SHPRH: variants seen among roughly 807,000 people sequenced by gnomAD.
The protein encoded by SHPRH is SNF2 histone linker PHD RING helicase.
Under a neutral mutation model 202.5 loss-of-function variants are expected in SHPRH, and 106 were observed. The observed-to-expected ratio is 0.52, with a 90% CI of 0.45 to 0.62. The LOEUF is 0.62. Among genes scored for constraint, SHPRH ranks in the 20% least tolerant of loss-of-function variants. SHPRH has a pLI of 0.00. For missense variants in SHPRH, 1,710 were observed against 2,020.0 expected (o/e 0.85, Z 2.94); for synonymous variants, 729 against 686.0 (o/e 1.06, Z -0.98).
intron 11 of SHPRH, among the ~76,000 whole-genome samples, chr6:145,940,106 G>A (rs1048650487): frequency 2.0e-5 from 3 of 152,144 alleles, no homozygotes; most frequent in Non-Finnish European, 4.4e-5. Flanking sequence ...TATTGAATAA[G>A]ATTAAGGTAG....
intron 14 of SHPRH, among the ~76,000 whole-genome samples, chr6:145,929,249 A>G (rs1308982479): frequency 1.3e-5 from 2 of 151,992 alleles, no homozygotes; most frequent in Non-Finnish European, 2.9e-5. Context: ...TGGCGCTAAC[A>G]TTTCTAAGAA....
chr6:145,945,661 ATCAG>A, intron 7 of SHPRH, 24 bp from the exon 8 acceptor site: 1 of 1,557,438 alleles, frequency 6.4e-7, no homozygotes, highest in East Asian at 2.3e-5. Flanking sequence ...GATATGCTAA[ATCAG>A]TCAAAATAAT....
chr6:145,859,855 T>C (rs1201717150), downstream of SHPRH, among the ~76,000 whole-genome samples: 1 of 152,030 alleles, frequency 6.6e-6, no homozygotes, highest in African/African-American at 2.4e-5. Context: ...TTGAATTCTC[T>C]CTCTGTTCTT....
chr6:145,869,227 T>C (rs2128689073), intron 2 of SHPRH, among the ~76,000 whole-genome samples: 1 of 152,372 alleles, frequency 6.6e-6, no homozygotes, highest in South Asian at 2.1e-4. Flanking sequence ...TTAAGTATTT[T>C]TATGTATTTG....
At chr6:145,860,388 A>C (rs1034960420), downstream of SHPRH, among the ~76,000 whole-genome samples, 2 of 151,990 alleles carry the variant, frequency 1.3e-5, no homozygotes, top group South Asian at 4.1e-4. Flanking sequence ...AAATTTAAAA[A>C]ATATTTATAA....
At chr6:145,904,276 A>T (rs2128727593) in intron 25 of SHPRH, 1 of 152,216 alleles carries the variant, frequency 6.6e-6, no homozygotes, top group South Asian at 2.1e-4. Flanking sequence ...AGATAATATA[A>T]ACATTTCAAT....
At position 145,886,566 on chromosome 6, in the gene SHPRH, A is replaced by G; in HGVS notation, c.*125T>C. 1 of 1,493,918 alleles carries G rather than the reference A, an allele frequency of 6.7e-7. No individual in the cohort carries two copies. The highest frequency in any genetic ancestry group is 1.4e-5 in the South Asian group (1 of 73,878). The allele number at this position is 1,493,918 out of a possible 1,614,324, so 92.5% of individuals were successfully genotyped here. A position where few individuals can be genotyped will look rare whatever the true frequency, so the allele number is the denominator to read the frequency against. ...AAGCCACTGTATAACCAGAACAATAAACAAATTCATTCAACTAGGAACAGT... is the reference window on the plus strand; with the variant it reads ...AAGCCACTGTATAACCAGAACAATAGACAAATTCATTCAACTAGGAACAGT... On this transcript the variant is annotated 3_prime_UTR_variant, in exon 30 of 30. Coordinates refer to ENST00000275233, the MANE Select transcript of SHPRH (RefSeq NM_001042683.3).
chr6:145,927,273 C>A lies in SHPRH; in HGVS notation c.3117G>T (p.Glu1039Asp), dbSNP rs1337789261. The change falls in exon 15 of 30, where the codon GAG becomes GAT. Residue 1039 changes from glutamate (E) to aspartate (D), a missense_variant. Glu to Asp is a conservative substitution (Grantham distance 45). Coordinates refer to ENST00000275233, the MANE Select transcript of SHPRH (RefSeq NM_001042683.3). ...TGTACAATTCTGCTGCCAAGGCATA[C>A]TCACCTAAAGAATTAAAATGTATTT... ...GLAGIHIIKG[E>D]YALAAELYRE... 1 of 1,611,116 alleles carries A rather than the reference C, an allele frequency of 6.2e-7. No homozygotes were observed. The highest frequency in any genetic ancestry group is 2.2e-5 in the East Asian group (1 of 44,668).
At chr6:145,874,377 A>T (rs1055875816) in intron 2 of SHPRH, among the ~76,000 whole-genome samples, 1 of 152,138 alleles carries the variant, frequency 6.6e-6, no homozygotes, top group African/African-American at 2.4e-5. Context: ...AAGAACAATG[A>T]AAGTGAGTTC....
chr6:145,921,536 G>A (rs1382062290), intron 20 of SHPRH, 144 bp from the exon 21 acceptor site: 41 of 711,876 alleles, frequency 5.8e-5, no homozygotes, highest in Non-Finnish European at 8.6e-5. Context: ...CATAAATTTG[G>A]CCAGTTTTTT....
intron 2 of SHPRH, among the ~76,000 whole-genome samples, chr6:145,870,558 G>A (rs1340315126): frequency 6.6e-6 from 1 of 152,074 alleles, no homozygotes; most frequent in Non-Finnish European, 1.5e-5. Context: ...CACTGCGCCT[G>A]GCCTCAGATT....
At chr6:145,941,171 G>C (rs963937534) in intron 10 of SHPRH, among the ~76,000 whole-genome samples, 2 of 152,122 alleles carry the variant, frequency 1.3e-5, no homozygotes, top group African/African-American at 4.8e-5. Context: ...AAAGACAACA[G>C]AATAAAGACA....
At position 145,886,520 on chromosome 6, in the gene SHPRH, G is replaced by T; in HGVS notation, c.*171C>A. On this transcript the variant is annotated 3_prime_UTR_variant, in exon 30 of 30. Coordinates refer to ENST00000275233, the MANE Select transcript of SHPRH (RefSeq NM_001042683.3). ...ATAGATCTTTTGGAAACAGTATATT[G>T]AAAAGGACTCAATAAGTACTAAGCC... is the stretch of plus-strand genomic sequence containing the variant. 1 of 1,183,872 alleles carries T rather than the reference G, an allele frequency of 8.4e-7. No individual in the cohort carries two copies. The highest frequency in any genetic ancestry group is 1.4e-5 in the South Asian group (1 of 71,172). The allele number at this position is 1,183,872 out of a possible 1,614,324, so 73.3% of individuals were successfully genotyped here.
chr6:145,946,473 T>C (rs1398413728), intron 6 of SHPRH, 132 bp from the exon 7 acceptor site: 3 of 582,746 alleles, frequency 5.1e-6, no homozygotes, highest in East Asian at 6.0e-5. Context: ...AAGGGCCAAA[T>C]AGCTGTAGAT....
chr6:145,887,226 GC>G (rs1055264130), intron 29 of SHPRH, among the ~76,000 whole-genome samples: 21 of 152,138 alleles, frequency 1.4e-4, no homozygotes, highest in African/African-American at 5.1e-4. Context: ...AGGTAAAAAG[GC>G]CCTTGTGGAA....
At chr6:145,874,134 G>T (rs1780190581) in intron 2 of SHPRH, among the ~76,000 whole-genome samples, 1 of 151,528 alleles carries the variant, frequency 6.6e-6, no homozygotes, top group Non-Finnish European at 1.5e-5. Context: ...GGAAGAGGAG[G>T]TTGCAGTGAG....
At chr6:145,915,006 T>G (rs753109518) in intron 23 of SHPRH, among the ~76,000 whole-genome samples, 54 of 151,680 alleles carry the variant, frequency 3.6e-4, no homozygotes, top group Non-Finnish European at 7.2e-4. Flanking sequence ...CTTACGGACT[T>G]TCTTGTCCAT....
intron 23 of SHPRH, among the ~76,000 whole-genome samples, chr6:145,914,196 G>A (rs1783744457): frequency 6.6e-6 from 1 of 152,080 alleles, no homozygotes; most frequent in Non-Finnish European, 1.5e-5. Flanking sequence ...ATGGCCTCAT[G>A]CTCATGTTTG....
intron 14 of SHPRH, among the ~76,000 whole-genome samples, chr6:145,932,501 T>C (rs1785576192): frequency 2.0e-5 from 3 of 152,294 alleles, no homozygotes; most frequent in South Asian, 4.1e-4. Context: ...TTTACACATA[T>C]ACGTTCTGTG....
Sources: allele counts gnomAD v4.1 joint callset (sites outside exome capture counted in the v4.1 genomes callset), GRCh38; gene constraint gnomAD v4.1.1; transcripts MANE v1.5; gene names NCBI Gene and HGNC (gene_info 2026-07-23, HGNC 2026-07-21).